Variants in PPBP observed in about 807,000 individuals in gnomAD.
The protein encoded by PPBP is pro-platelet basic protein, also known as platelet basic protein.
Under a neutral mutation model 8.3 loss-of-function variants are expected in PPBP, and 8 were observed. The ratio of observed to expected loss-of-function variants is 0.97; its 90% CI spans 0.57 to 1.75. The LOEUF is 1.75. Among genes scored for constraint, PPBP ranks in the 40% most tolerant of loss-of-function variants. The probability of loss-of-function intolerance (pLI) is 0.00; values close to 1 mark genes in which losing one functional copy is unlikely to be tolerated. For missense variants in PPBP, 169 were observed against 149.2 expected (o/e 1.13, Z -0.69); for synonymous variants, 64 against 58.9 (o/e 1.09, Z -0.40).
At position 73,986,812 on chromosome 4, in the gene PPBP, A is replaced by G. The variant is rs1030864032; in HGVS notation, c.*460T>C. On this transcript the variant is annotated 3_prime_UTR_variant, in exon 3 of 3. Transcript: ENST00000296028. ...AGTATTTTAAATAAGACATCCTAGG[A>G]CTAAGACACTGAGAGACTCCATTAA... Among the ~76,000 whole-genome samples the G allele has an allele frequency of 6.6e-6, 1 of 152,166 alleles. No individual in the cohort carries two copies. The highest frequency in any genetic ancestry group is 2.4e-5 in the African/African-American group (1 of 41,456).
rs75893465 is a variant in PPBP at position 73,987,472 on chromosome 4, A to G, written c.284+45T>C. The G allele has an allele frequency of 5.5e-3, 8,856 of 1,610,442 alleles. 32 individuals are homozygous for G. The highest frequency in any genetic ancestry group is 7.0e-3 in the Non-Finnish European group (8,216 of 1,176,836). On this transcript the variant is annotated intron_variant, in intron 2 of 2. Coordinates refer to ENST00000296028, the MANE Select transcript of PPBP (RefSeq NM_002704.3). ...AACGAGTGCATATGTGGATGGAGGT[A>G]GAGGGTTTCTCTGATAAGGCAATAG...
In PPBP at chr4:73,988,184, G is replaced by C; in HGVS notation, c.-81C>G. On this transcript the variant is annotated 5_prime_UTR_variant, in exon 1 of 3. It adds an upstream start codon to the 5' untranslated region. Transcript: ENST00000296028. ...GTGAGTTGCTGCCTACAAGTCTGCA[G>C]ATAAGTGGCTTCTCATGCCCTGAAG... is the stretch of plus-strand genomic sequence containing the variant. The C allele has an allele frequency of 6.7e-7, 1 of 1,502,104 alleles. No homozygotes were observed. The highest frequency in any genetic ancestry group is 1.1e-5 in the South Asian group (1 of 88,140). The allele number at this position is 1,502,104 out of a possible 1,614,324, so 93.0% of individuals were successfully genotyped here.
rs1718978424 is a variant in PPBP at position 73,986,799 on chromosome 4, A to G, written c.*473T>C. Among the ~76,000 whole-genome samples the G allele has an allele frequency of 6.6e-6, 1 of 152,184 alleles. No homozygotes were observed. Among genetic ancestry groups the G allele is most frequent in the African/African-American group, 2.4e-5 (1 of 41,448 alleles). ...TAAACTTTCAGGGAGTATTTTAAAT[A>G]AGACATCCTAGGACTAAGACACTGA... On this transcript the variant is annotated 3_prime_UTR_variant, in exon 3 of 3. Coordinates refer to ENST00000296028, the MANE Select transcript of PPBP (RefSeq NM_002704.3).
chr4:73,988,034 G>T lies in PPBP; in HGVS notation c.70C>A (p.Leu24Met). 6.2e-7 allele frequency: 1 copy of T among 1,614,066 alleles called. No individual in the cohort carries two copies. Among genetic ancestry groups the T allele is most frequent in the Non-Finnish European group, 8.5e-7 (1 of 1,179,918 alleles). The change falls in exon 1 of 3, where the codon CTG (leucine) becomes ATG (methionine). Residue 24 changes from leucine (L) to methionine (M), a missense_variant. By Grantham distance (15) the Leu-to-Met change is conservative. Coordinates refer to ENST00000296028, the MANE Select transcript of PPBP (RefSeq NM_002704.3). ...ARPLHALQVL[L>M]LLSLLLTALA... ...GCAGTCAGCAGCAATGACAGAAGCA[G>T]CAGCACCTGCAAGGCATGAAGTGGT... is the stretch of plus-strand genomic sequence containing the variant.
intron 1 of PPBP, 82 bp from the exon 2 acceptor site, chr4:73,987,734 T>A: frequency 6.6e-7 from 1 of 1,521,436 alleles, no homozygotes; most frequent in Non-Finnish European, 9.1e-7. Context: ...CAATTGTACC[T>A]CTCTCATAAA....
chr4:73,986,649 T>G lies in PPBP; in HGVS notation c.*623A>C, dbSNP rs1230686954. Among the ~76,000 whole-genome samples the G allele has an allele frequency of 1.3e-5, 2 of 152,194 alleles. No homozygotes were observed. The highest frequency in any genetic ancestry group is 3.8e-4 in the East Asian group (2 of 5,198). On this transcript the variant is annotated 3_prime_UTR_variant, in exon 3 of 3. Coordinates refer to ENST00000296028, the MANE Select transcript of PPBP (RefSeq NM_002704.3). ...ACTATGTAGATATGTTAATTCATTTTCATCATCTATTTTTGTTCTACTAGT... is the reference window on the plus strand; with the variant it reads ...ACTATGTAGATATGTTAATTCATTTGCATCATCTATTTTTGTTCTACTAGT...
At chr4:73,987,724 C>T (rs757683765) in intron 1 of PPBP, 72 bp from the exon 2 acceptor site, 55 of 1,539,614 alleles carry the variant, frequency 3.6e-5, no homozygotes, top group Non-Finnish European at 4.6e-5. Context: ...AGATTGAGGG[C>T]AATTGTACCT....
At position 73,988,007 on chromosome 4, in the gene PPBP, G is replaced by A. The variant is rs1306290121; in HGVS notation, c.97C>T (p.Leu33=). Residue 33 remains leucine (L), a synonymous_variant, in exon 1 of 3, where the codon CTG becomes TTG. Transcript: ENST00000296028. Reference sequence around the variant, plus strand: ...GTTTGTCCTTTGGTGGAGGAAGCCAGAGCAGTCAGCAGCAATGACAGAAGC... The same window carrying A: ...GTTTGTCCTTTGGTGGAGGAAGCCAAAGCAGTCAGCAGCAATGACAGAAGC... ...LLLLSLLLTA[L]ASSTKGQTKR... 2 of 1,614,120 alleles carry A rather than the reference G, an allele frequency of 1.2e-6. No individual in the cohort carries two copies. Among genetic ancestry groups the A allele is most frequent in the East Asian group, 2.2e-5 (1 of 44,882 alleles).
At position 73,987,950 on chromosome 4, in the gene PPBP, C is replaced by T; in HGVS notation, c.148+6G>A. The T allele has an allele frequency of 1.2e-6, 2 of 1,614,094 alleles. No individual in the cohort carries two copies. The highest frequency in any genetic ancestry group is 1.7e-6 in the Non-Finnish European group (2 of 1,179,970). Reference sequence around the variant, plus strand: ...AGCAACAAGTGCAGAGAAGCAGGGCCTCTACCTTTGCCTTTCGCCAAGTTT... The same window carrying T: ...AGCAACAAGTGCAGAGAAGCAGGGCTTCTACCTTTGCCTTTCGCCAAGTTT... On this transcript the variant is annotated splice_donor_region_variant and intron_variant, in intron 1 of 2. Transcript: ENST00000296028.
rs746925866 is a variant in PPBP at position 73,988,059 on chromosome 4, T to C, written c.45A>G (p.Arg15=). The C allele has an allele frequency of 1.2e-6, 2 of 1,614,014 alleles. No individual in the cohort carries two copies. The highest frequency in any genetic ancestry group is 1.1e-5 in the South Asian group (1 of 91,064). ...GCAGCACCTGCAAGGCATGAAGTGG[T>C]CTCGCACTGTTACAGGAAGGGGTGG... The part of the protein sequence containing the change: ...LDTTPSCNSA[R]PLHALQVLLL... The change falls in exon 1 of 3, where the codon AGA becomes AGG. Residue 15 remains arginine, a synonymous_variant. Transcript: ENST00000296028.
intron 2 of PPBP, 71 bp from the exon 3 acceptor site, chr4:73,987,445 G>A: frequency 6.2e-7 from 1 of 1,607,542 alleles, no homozygotes; most frequent in Non-Finnish European, 8.5e-7. Context: ...GAGACTGGAG[G>A]AAACGAGTGC....
In PPBP at chr4:73,988,056, T is replaced by G; in HGVS notation, c.48A>C (p.Pro16=). 18 of 1,614,000 alleles carry G rather than the reference T, an allele frequency of 1.1e-5. No homozygotes were observed. Among genetic ancestry groups the G allele is most frequent in the Non-Finnish European group, 1.5e-5 (18 of 1,179,894 alleles). Residue 16 remains proline, a synonymous_variant, in exon 1 of 3, where the codon CCA becomes CCC. Transcript: ENST00000296028. ...DTTPSCNSAR[P]LHALQVLLLL... is the part of the protein sequence containing the mutation. Reference sequence around the variant, plus strand: ...GCAGCAGCACCTGCAAGGCATGAAGTGGTCTCGCACTGTTACAGGAAGGGG... The same window carrying G: ...GCAGCAGCACCTGCAAGGCATGAAGGGGTCTCGCACTGTTACAGGAAGGGG...
chr4:73,987,297 A>G lies in PPBP; in HGVS notation c.362T>C (p.Leu121Ser). ...PRIKKIVQKK[L>S]AGDESAD is the part of the protein sequence containing the mutation. ...TTAATCAGCAGATTCATCACCTGCC[A>G]ATTTTTTCTGTACAATTTTCTTGAT... The change falls in exon 3 of 3, where the codon TTG becomes TCG. Residue 121 changes from leucine to serine, a missense_variant. Physicochemically the swap from Leu to Ser is moderately radical, Grantham distance 145. Transcript: ENST00000296028. 6.2e-7 allele frequency: 1 copy of G among 1,613,242 alleles called. No individual in the cohort carries two copies. The highest frequency in any genetic ancestry group is 8.5e-7 in the Non-Finnish European group (1 of 1,179,218).
intron 1 of PPBP, 129 bp from the exon 2 acceptor site, chr4:73,987,781 T>G: frequency 7.0e-7 from 1 of 1,436,684 alleles, no homozygotes; most frequent in South Asian, 1.3e-5. Flanking sequence ...TTTAGTAAAG[T>G]GCCCAGAAGA....
Position 73,986,588 on chromosome 4 carries a change from C to T in PPBP, c.*684G>A, listed in dbSNP as rs577001611. Among the ~76,000 whole-genome samples, 15 of 152,174 alleles carry T rather than the reference C, an allele frequency of 9.9e-5. No homozygotes were observed. In the South Asian group the frequency reaches 1.5e-3, roughly 15 times the overall value. On this transcript the variant is annotated 3_prime_UTR_variant, in exon 3 of 3. Coordinates refer to ENST00000296028, the MANE Select transcript of PPBP (RefSeq NM_002704.3). Reference sequence around the variant, plus strand: ...AGTAAGGTTGAAGTCCTATATTGTACTTATTTATAAGGCTCATTCTAATGA... The same window carrying T: ...AGTAAGGTTGAAGTCCTATATTGTATTTATTTATAAGGCTCATTCTAATGA...
intron 1 of PPBP, 79 bp downstream of exon 1, chr4:73,987,877 C>G: frequency 1.3e-6 from 2 of 1,594,184 alleles, no homozygotes; most frequent in African/African-American, 1.3e-5. Flanking sequence ...TCTCCAGCCC[C>G]AAAGGCACCA....
chr4:73,987,302 T>G lies in PPBP; in HGVS notation c.357A>C (p.Lys119Asn). ...CAGCAGATTCATCACCTGCCAATTT[T>G]TTCTGTACAATTTTCTTGATTCTGG... ...DAPRIKKIVQKKLAGDESAD is the reference protein window; with the variant it reads ...DAPRIKKIVQNKLAGDESAD The change falls in exon 3 of 3, where the codon AAA becomes AAC. Residue 119 changes from lysine to asparagine, a missense_variant. By Grantham distance (94) the Lys-to-Asn change is moderately conservative. Coordinates refer to ENST00000296028, the MANE Select transcript of PPBP (RefSeq NM_002704.3). 1.2e-6 allele frequency: 2 copies of G among 1,613,544 alleles called. No homozygotes were observed. The highest frequency in any genetic ancestry group is 1.7e-6 in the Non-Finnish European group (2 of 1,179,478).
chr4:73,986,718 A>G lies in PPBP; in HGVS notation c.*554T>C, dbSNP rs371079423. The stretch of plus-strand genomic sequence containing the variant: ...AAACCAGCTAACCACAGTTTATAAG[A>G]TTCATATTCACCAATTTATTATTTT... On this transcript the variant is annotated 3_prime_UTR_variant, in exon 3 of 3. Transcript: ENST00000296028. Among the ~76,000 whole-genome samples, 3 of 152,180 alleles carry G rather than the reference A, an allele frequency of 2.0e-5. No homozygotes were observed. Among genetic ancestry groups the G allele is most frequent in the East Asian group, 1.9e-4 (1 of 5,200 alleles).
rs762642176 is a variant in PPBP at position 73,988,146 on chromosome 4, C to A, written c.-43G>T. The A allele has an allele frequency of 5.6e-6, 9 of 1,606,628 alleles. No homozygotes were observed. Among genetic ancestry groups the A allele is most frequent in the Non-Finnish European group, 7.7e-6 (9 of 1,173,416 alleles). ...TAGAGTTGTTTCCAGAACCAGAAGA[C>A]CTCTGAGTGAGGGTGAGTTGCTGCC... On this transcript the variant is annotated 5_prime_UTR_variant, in exon 1 of 3. Coordinates refer to ENST00000296028, the MANE Select transcript of PPBP (RefSeq NM_002704.3).
Sources: gnomAD v4.1 joint callset for allele counts (sites outside exome capture counted in the v4.1 genomes callset) on GRCh38, gnomAD v4.1.1 for gene constraint, MANE v1.5 for transcripts, NCBI Gene and HGNC (gene_info 2026-07-23, HGNC 2026-07-21) for gene names.